Variants in CEP85L observed in about 807,000 individuals in gnomAD.
The protein encoded by CEP85L is centrosomal protein 85L, also known as centrosomal protein of 85 kDa-like.
In CEP85L, 60 loss-of-function variants were observed where a neutral mutation model predicts 100.3. The observed-to-expected ratio is 0.60, with a 90% confidence interval of 0.49 to 0.74. The LOEUF is 0.74. CEP85L is among the 30% of genes least tolerant of loss of function. The probability of loss-of-function intolerance (pLI) is 0.00; values close to 1 mark genes in which losing one functional copy is unlikely to be tolerated. For synonymous variants in CEP85L, 319 were observed against 322.7 expected, an observed-to-expected ratio of 0.99 and a Z score of 0.12; for missense variants, 973 against 936.2, an observed-to-expected ratio of 1.04 and a Z score of -0.51.
upstream of CEP85L, chr6:118,656,916 G>A (rs530867407): frequency 6.6e-6 from 1 of 152,328 alleles, no homozygotes; most frequent in African/African-American, 2.4e-5. Context: ...TTGCAATGCA[G>A]AGCCCTTCTA....
chr6:118,502,333 A>AT, intron 5 of CEP85L: 2 of 515,972 alleles, frequency 3.9e-6, no homozygotes, highest in Non-Finnish European at 7.2e-6. Context: ...TTCAGCAACC[A>AT]TGAGTTTCTG....
intron 4 of CEP85L, among the ~76,000 whole-genome samples, chr6:118,515,724 G>T (rs1379486890): frequency 6.6e-6 from 1 of 152,120 alleles, no homozygotes; most frequent in African/African-American, 2.4e-5. Context: ...ATTAAAATTT[G>T]TAAGATATTG....
chr6:118,631,467 A>G (rs1774144323), intron 2 of CEP85L, among the ~76,000 whole-genome samples: 1 of 152,238 alleles, frequency 6.6e-6, no homozygotes, highest in Non-Finnish European at 1.5e-5. Flanking sequence ...ACTCCTAGGC[A>G]TCTACTCACC....
At position 118,501,717 on chromosome 6, in the gene CEP85L, A is replaced by G. The variant is rs1775314018; in HGVS notation, c.1257+9581T>C. 7 of 718,908 alleles carry G rather than the reference A, an allele frequency of 9.7e-6. No individual in the cohort carries two copies. The South Asian group carries it at 9.9e-5, about 10-fold the overall frequency. The allele number at this position is 718,908 out of a possible 1,614,324, so 44.5% of individuals were successfully genotyped here. On this transcript the variant is annotated intron_variant, in intron 5 of 12. Coordinates refer to ENST00000368491, the MANE Select transcript of CEP85L (RefSeq NM_001042475.3). ...CAGGAAAAAATTCAGAGCCTGAAGC[A>G]GACCACAGACTTCATGGCTAACTTG...
At chr6:118,602,837 T>C (rs957730267) in intron 2 of CEP85L, among the ~76,000 whole-genome samples, 3 of 152,114 alleles carry the variant, frequency 2.0e-5, no homozygotes, top group African/African-American at 7.2e-5. Flanking sequence ...TTTTTTTTTT[T>C]GGAGATATAG....
chr6:118,566,141 G>A lies in CEP85L; in HGVS notation c.408C>T (p.His136=), dbSNP rs184299022. Residue 136 remains histidine (H), a synonymous_variant, in exon 3 of 13, where the codon CAC becomes CAT. Coordinates refer to ENST00000368491, the MANE Select transcript of CEP85L (RefSeq NM_001042475.3). The part of the protein sequence containing the change: ...STSLMQTLGN[H]SRGEQDSSLD... Reference sequence around the variant, plus strand: ...GGGAAGAGTCCTGCTCCCCCCTACTGTGGTTTCCCAATGTTTGCATGAGGC... The same window carrying A: ...GGGAAGAGTCCTGCTCCCCCCTACTATGGTTTCCCAATGTTTGCATGAGGC... 42 of 1,614,078 alleles carry A rather than the reference G, an allele frequency of 2.6e-5. No homozygotes were observed. The Admixed American group carries it at 3.2e-4, about 12-fold the overall frequency.
chr6:118,525,123 T>C (rs1776891326), intron 3 of CEP85L, among the ~76,000 whole-genome samples: 1 of 152,236 alleles, frequency 6.6e-6, no homozygotes, highest in African/African-American at 2.4e-5. Flanking sequence ...AATTTTTTTC[T>C]ACAACAGTAG....
At chr6:118,572,272 TAAAAAAAAAAAAA>T (rs572307069) in intron 2 of CEP85L, among the ~76,000 whole-genome samples, 1 of 107,646 alleles carries the variant, frequency 9.3e-6, no homozygotes, top group Non-Finnish European at 1.8e-5. Flanking sequence ...ACCCATTCTT[TAAAAAAAAAAAAA>T]AAAAAAAAAG....
At chr6:118,471,118 T>C (rs1384537376) in intron 10 of CEP85L, among the ~76,000 whole-genome samples, 1 of 152,058 alleles carries the variant, frequency 6.6e-6, no homozygotes, top group Non-Finnish European at 1.5e-5. Context: ...CCGTCTTTCA[T>C]TGTATAGTAA....
At chr6:118,497,437 C>T (rs1049533972) in intron 5 of CEP85L, among the ~76,000 whole-genome samples, 1 of 152,108 alleles carries the variant, frequency 6.6e-6, no homozygotes, top group Non-Finnish European at 1.5e-5. Context: ...AAACAAGCTC[C>T]GGGCTCCCAC....
intron 1 of CEP85L, among the ~76,000 whole-genome samples, chr6:118,650,692 G>A (rs927322862): frequency 6.6e-6 from 1 of 152,208 alleles, no homozygotes; most frequent in Non-Finnish European, 1.5e-5. Flanking sequence ...CGCCCTAAAA[G>A]TAGCGGCTGC....
At chr6:118,577,142 G>A (rs1333471660) in intron 2 of CEP85L, among the ~76,000 whole-genome samples, 2 of 152,142 alleles carry the variant, frequency 1.3e-5, no homozygotes, top group Non-Finnish European at 2.9e-5. Flanking sequence ...ATTTCACCTC[G>A]TGTCTCTCAC....
chr6:118,467,823 G>A (rs17825652), intron 12 of CEP85L, among the ~76,000 whole-genome samples: 53,560 of 152,034 alleles, frequency 0.35, 10,366 homozygotes, highest in Non-Finnish European at 0.45. Flanking sequence ...TTCCTCGTCT[G>A]AGAGCGACAC....
At chr6:118,625,935 C>T (rs1773762325) in intron 2 of CEP85L, among the ~76,000 whole-genome samples, 2 of 152,264 alleles carry the variant, frequency 1.3e-5, no homozygotes, top group South Asian at 4.1e-4. Context: ...AAGCTTCTAC[C>T]GAGGACCCCA....
At chr6:118,485,399 CA>C (rs55855541) in intron 6 of CEP85L, among the ~76,000 whole-genome samples, 71,835 of 151,576 alleles carry the variant, frequency 0.47, 17,344 homozygotes, top group Middle Eastern at 0.58. Flanking sequence ...TAATGTATAA[CA>C]ATTTTTAAAA....
At chr6:118,537,768 C>T (rs1396690060) in intron 3 of CEP85L, 2 of 985,218 alleles carry the variant, frequency 2.0e-6, no homozygotes, top group African/African-American at 3.5e-5. Context: ...CCACACTTGA[C>T]TGGAATACAA....
chr6:118,651,346 C>A lies in CEP85L; in HGVS notation c.-77G>T. The A allele has an allele frequency of 7.2e-7, 1 of 1,387,570 alleles. No individual in the cohort carries two copies. The highest frequency in any genetic ancestry group is 1.6e-5 in the South Asian group (1 of 64,328). The allele number at this position is 1,387,570 out of a possible 1,614,324, so 86.0% of individuals were successfully genotyped here. ...CCTCCTGCTTCTTCGGCGGCGGAAA[C>A]TTGCGCGGAGCGTGGGCCTCGGCGA... On this transcript the variant is annotated 5_prime_UTR_variant, in exon 1 of 13. Coordinates refer to ENST00000368491, the MANE Select transcript of CEP85L (RefSeq NM_001042475.3).
chr6:118,558,650 C>CAGAGAG (rs1433315078), intron 3 of CEP85L, among the ~76,000 whole-genome samples: 1 of 136,654 alleles, frequency 7.3e-6, no homozygotes, highest in African/African-American at 3.3e-5. Flanking sequence ...CACACACACA[C>CAGAGAG]ACACACACAC....
chr6:118,467,151 C>T (rs896751230), intron 12 of CEP85L, among the ~76,000 whole-genome samples: 1 of 151,928 alleles, frequency 6.6e-6, no homozygotes, highest in Non-Finnish European at 1.5e-5. Flanking sequence ...TTTGAAATAG[C>T]CAGTTCTAAT....
Sources: gnomAD v4.1 joint callset for allele counts (sites outside exome capture counted in the v4.1 genomes callset) on GRCh38, gnomAD v4.1.1 for gene constraint, MANE v1.5 for transcripts, NCBI Gene and HGNC (gene_info 2026-07-23, HGNC 2026-07-21) for gene names.